The following CRNKL1 variants were observed in gnomAD, a reference collection of about 807,000 sequenced individuals.
CRNKL1 encodes crooked neck pre-mRNA splicing factor 1, also known as crooked neck-like protein 1.
In CRNKL1, 35 loss-of-function variants were observed where a neutral mutation model predicts 103.7. The observed-to-expected ratio is 0.34, with a 90% confidence interval of 0.26 to 0.45. The LOEUF (loss-of-function observed/expected upper bound fraction) is 0.45, where lower values mean the gene tolerates loss of function less well. Among genes scored for constraint, CRNKL1 ranks in the 20% least tolerant of loss-of-function variants. CRNKL1 has a pLI of 1.00. For missense variants in CRNKL1, 645 were observed against 836.0 expected (o/e 0.77, Z 2.82); for synonymous variants, 267 against 282.6 (o/e 0.94, Z 0.55).
chr20:20,043,341 T>G, intron 7 of CRNKL1, 151 bp downstream of exon 7: 1 of 733,590 alleles, frequency 1.4e-6, no homozygotes, highest in Middle Eastern at 3.0e-4. Context: ...TATTCCTACT[T>G]GTCTGAAATA....
At position 20,052,462 on chromosome 20, in the gene CRNKL1, G is replaced by A. The variant is rs759687119; in HGVS notation, c.-120C>T. ...AAACAGGATCTCGGAACCGGAAGCG[G>A]AACTTGCAGGACTGACCTTTGACCT... On this transcript the variant is annotated 5_prime_UTR_variant, in exon 1 of 14. Transcript: ENST00000536226. 3.1e-6 allele frequency: 5 copies of A among 1,614,142 alleles called. No individual in the cohort carries two copies. The highest frequency in any genetic ancestry group is 2.7e-5 in the African/African-American group (2 of 74,948).
chr20:20,048,435 G>A lies in CRNKL1; in HGVS notation c.363C>T (p.Tyr121=), dbSNP rs143643352. The stretch of plus-strand genomic sequence containing the variant: ...GGCGATTCTTCATTTCCATTTCTGC[G>A]TATTTCAGCCAGAGTGTAATATTTC... ...DYRNITLWLK[Y]AEMEMKNRQV... Residue 121 remains tyrosine, a synonymous_variant, in exon 4 of 14, where the codon TAC becomes TAT. Coordinates refer to ENST00000536226, the MANE Select transcript of CRNKL1 (RefSeq NM_001278628.2). 438 of 1,614,098 alleles carry A rather than the reference G, an allele frequency of 2.7e-4. No homozygotes were observed. In the African/African-American group the frequency reaches 4.7e-3, roughly 17 times the overall value.
chr20:20,035,196 G>C lies in CRNKL1; in HGVS notation c.*999C>G, dbSNP rs2043400319. On this transcript the variant is annotated 3_prime_UTR_variant, in exon 14 of 14. Coordinates refer to ENST00000536226, the MANE Select transcript of CRNKL1 (RefSeq NM_001278628.2). ...TAGACATTTTCTACTATAGCACACT[G>C]GGAGATGTTTACTGGTACTCTAGGT... is the stretch of plus-strand genomic sequence containing the variant. The C allele has an allele frequency of 6.6e-6, 1 of 152,162 alleles. No individual in the cohort carries two copies. Among genetic ancestry groups the C allele is most frequent in the South Asian group, 2.1e-4 (1 of 4,814 alleles). The allele number at this position is 152,162 out of a possible 1,614,324, so 9.4% of individuals were successfully genotyped here.
upstream of CRNKL1, chr20:20,052,896 G>A (rs1417232652): frequency 3.2e-6 from 2 of 628,100 alleles, no homozygotes; most frequent in Admixed American, 3.1e-5. Context: ...CCTCGTTTCT[G>A]GTTTCGGGAC....
intron 6 of CRNKL1, among the ~76,000 whole-genome samples, chr20:20,044,457 T>C (rs994049326): frequency 2.0e-5 from 3 of 152,158 alleles, no homozygotes; most frequent in African/African-American, 7.2e-5. Context: ...TACTTACTGG[T>C]TCAGCATCCC....
At position 20,043,674 on chromosome 20, in the gene CRNKL1, C is replaced by G; in HGVS notation, c.802-12G>C. The G allele has an allele frequency of 6.2e-7, 1 of 1,608,970 alleles. No homozygotes were observed. Among genetic ancestry groups the G allele is most frequent in the African/African-American group, 1.3e-5 (1 of 74,934 alleles). On this transcript the variant is annotated splice_polypyrimidine_tract_variant and intron_variant, in intron 6 of 13. Coordinates refer to ENST00000536226, the MANE Select transcript of CRNKL1 (RefSeq NM_001278628.2). Reference sequence around the variant, plus strand: ...CGTACCCTTTCAAACTAAATGCAGACAGGATGATTACCTTCTATAACACAA... The same window carrying G: ...CGTACCCTTTCAAACTAAATGCAGAGAGGATGATTACCTTCTATAACACAA...
At chr20:20,049,458 C>A in intron 2 of CRNKL1, 27 bp from the exon 3 acceptor site, 1 of 1,239,380 alleles carries the variant, frequency 8.1e-7, no homozygotes, top group South Asian at 1.3e-5. Flanking sequence ...AGGGTCAAGT[C>A]AAAAGACAAA....
In CRNKL1 at chr20:20,037,409, ATTC is replaced by A. The variant is rs757426818; in HGVS notation, c.1807_1809del (p.Glu603del). On this transcript the variant is annotated inframe_deletion, in exon 13 of 14. Transcript: ENST00000536226. ...CTCTCCTTATCTGAAGCTGTTCCAAATTCTTCTTCAAAACTTCGCCAAGATTCC... is the reference window on the plus strand; with the variant it reads ...CTCTCCTTATCTGAAGCTGTTCCAAATTCTTCAAAACTTCGCCAAGATTCC... 20 of 1,614,056 alleles carry A rather than the reference ATTC, an allele frequency of 1.2e-5. No homozygotes were observed. The East Asian group carries it at 1.8e-4, about 14-fold the overall frequency.
At position 20,045,385 on chromosome 20, in the gene CRNKL1, C is replaced by T. The variant is rs112980877; in HGVS notation, c.724G>A (p.Val242Met). 1,291 of 1,613,786 alleles carry T rather than the reference C, an allele frequency of 8.0e-4. 1 individual carries two copies. The highest frequency in any genetic ancestry group is 1.0e-3 in the Non-Finnish European group (1,217 of 1,179,898). ...ATATGTTCATCTCCAAAGAATTCCA[C>T]AGCTCTCTCATACACTTTCCGTGCA... ...AHARKVYERA[V>M]EFFGDEHMDE... Residue 242 changes from valine to methionine, a missense_variant, in exon 6 of 14, where the codon GTG becomes ATG. Coordinates refer to ENST00000536226, the MANE Select transcript of CRNKL1 (RefSeq NM_001278628.2).
At chr20:20,046,167 C>G (rs73605568) in intron 5 of CRNKL1, among the ~76,000 whole-genome samples, 14,083 of 152,186 alleles carry the variant, frequency 0.093, 1,539 homozygotes, top group East Asian at 0.61. Flanking sequence ...AGCTGCTCTA[C>G]TAGGTTCACA....
intron 11 of CRNKL1, among the ~76,000 whole-genome samples, chr20:20,039,322 C>T (rs1215892778): frequency 6.6e-6 from 1 of 152,174 alleles, no homozygotes; most frequent in East Asian, 1.9e-4. Context: ...GCCTCTTCCC[C>T]AGCCCCTTTA....
rs780325218 is a variant in CRNKL1 at position 20,052,464 on chromosome 20, AC to A, written c.-123del. On this transcript the variant is annotated 5_prime_UTR_variant, in exon 1 of 14. Coordinates refer to ENST00000536226, the MANE Select transcript of CRNKL1 (RefSeq NM_001278628.2). ...ACAGGATCTCGGAACCGGAAGCGGA[AC>A]TTGCAGGACTGACCTTTGACCTCTC... The A allele has an allele frequency of 6.2e-7, 1 of 1,614,244 alleles. No homozygotes were observed.
chr20:20,055,862 G>T, upstream of CRNKL1: 1 of 1,048,396 alleles, frequency 9.5e-7, no homozygotes, highest in Non-Finnish European at 1.5e-6. Context: ...CTTTCCCTAT[G>T]AAGGAAAGAA....
Position 20,039,670 on chromosome 20 carries a change from A to T in CRNKL1, c.1484T>A (p.Ile495Asn). 5 of 1,614,186 alleles carry T rather than the reference A, an allele frequency of 3.1e-6. No individual in the cohort carries two copies. Among genetic ancestry groups the T allele is most frequent in the Non-Finnish European group, 4.2e-6 (5 of 1,180,020 alleles). Residue 495 changes from isoleucine to asparagine, a missense_variant, in exon 11 of 14, where the codon ATT becomes AAT. Ile to Asn is a moderately radical substitution (Grantham distance 149, BLOSUM62 -3). Transcript: ENST00000536226. ...TTCATAGATTGCCCGTGCTCTGTCA[A>T]TATCACCAAGGATTGTCTCTAATTC... ...FAELETILGD[I>N]DRARAIYELA...
chr20:20,049,335 T>C lies in CRNKL1; in HGVS notation c.296+5A>G. The C allele has an allele frequency of 6.7e-7, 1 of 1,482,350 alleles. No homozygotes were observed. Among genetic ancestry groups the C allele is most frequent in the Non-Finnish European group, 9.4e-7 (1 of 1,068,440 alleles). 91.8% of individuals were successfully genotyped at this position (1,482,350 alleles called of 1,614,324 possible). A position where few individuals can be genotyped will look rare whatever the true frequency, so the allele number is the denominator to read the frequency against. On this transcript the variant is annotated splice_donor_5th_base_variant and intron_variant, in intron 3 of 13. Coordinates refer to ENST00000536226, the MANE Select transcript of CRNKL1 (RefSeq NM_001278628.2). The stretch of plus-strand genomic sequence containing the variant: ...TATACAAAACTACACTCTCAGTAAT[T>C]TTACCTTTGAATCTCCTTTAGGCTT...
At position 20,035,582 on chromosome 20, in the gene CRNKL1, A is replaced by ACAC. The variant is rs1440920999; in HGVS notation, c.*610_*612dup. On this transcript the variant is annotated 3_prime_UTR_variant, in exon 14 of 14. Transcript: ENST00000536226. ...TTGTTCTAAAAAACAATATAACTGG[A>ACAC]CACTAGTAAGAAAGTAAGGTAAATT... The ACAC allele has an allele frequency of 6.6e-6, 1 of 152,244 alleles. No individual in the cohort carries two copies. Among genetic ancestry groups the ACAC allele is most frequent in the Non-Finnish European group, 1.5e-5 (1 of 68,050 alleles). The allele number at this position is 152,244 out of a possible 1,614,324, so 9.4% of individuals were successfully genotyped here.
chr20:20,045,780 G>T (rs2043584392), intron 5 of CRNKL1, among the ~76,000 whole-genome samples: 1 of 152,142 alleles, frequency 6.6e-6, no homozygotes, highest in Non-Finnish European at 1.5e-5. Flanking sequence ...TGTGATCTTG[G>T]ATAAGTCACT....
rs895222827 is a variant in CRNKL1, at chr20:20,051,799, C to T, written c.51+493G>A. On this transcript the variant is annotated intron_variant, in intron 1 of 13. Transcript: ENST00000536226. The stretch of plus-strand genomic sequence containing the variant: ...ACTACTCCTACCGTCTACTCTCGCC[C>T]TCCGCTGTCAGCTGGGCTAACTCCT... Among the ~76,000 whole-genome samples, 6 of 152,320 alleles carry T rather than the reference C, an allele frequency of 3.9e-5. No homozygotes were observed. The East Asian group carries it at 1.2e-3, about 29-fold the overall frequency.
upstream of CRNKL1, among the ~76,000 whole-genome samples, chr20:20,053,912 T>C (rs544416224): frequency 1.3e-5 from 2 of 152,158 alleles, no homozygotes; most frequent in African/African-American, 4.8e-5. Context: ...TGCTCAAAAG[T>C]ACAAACATGC....
Sources: allele counts gnomAD v4.1 joint callset (sites outside exome capture counted in the v4.1 genomes callset), GRCh38; gene constraint gnomAD v4.1.1; transcripts MANE v1.5; gene names NCBI Gene and HGNC (gene_info 2026-07-23, HGNC 2026-07-21).